Variants in ME3 observed in about 807,000 individuals in gnomAD.
The protein encoded by ME3 is NADP-dependent malic enzyme, mitochondrial.
ME3 carries 48 observed loss-of-function variants against 68.9 expected under a neutral mutation model. The observed-to-expected ratio is 0.70, with a 90% CI of 0.55 to 0.89. The LOEUF is 0.89. Ranked by LOEUF, ME3 falls within the 40% of genes least tolerant of loss-of-function variation. The pLI is 0.00. For missense variants in ME3, 675 were observed against 797.4 expected (o/e 0.85, Z 1.85); for synonymous variants, 320 against 318.8 (o/e 1.00, Z -0.04).
chr11:86,554,240 G>A (rs1218874141), intron 4 of ME3, among the ~76,000 whole-genome samples: 1 of 152,144 alleles, frequency 6.6e-6, no homozygotes, highest in Non-Finnish European at 1.5e-5. Flanking sequence ...TATGGAGTGA[G>A]GGCTTCCACA....
intron 13 of ME3, among the ~76,000 whole-genome samples, chr11:86,443,479 C>A (rs1376201683): frequency 4.6e-5 from 7 of 152,266 alleles, no homozygotes; most frequent in African/African-American, 9.6e-5. Flanking sequence ...CCTCCCGTAG[C>A]TTCCCTTCCA....
At chr11:86,641,473 G>A (rs1380760864) in intron 2 of ME3, among the ~76,000 whole-genome samples, 1 of 152,154 alleles carries the variant, frequency 6.6e-6, no homozygotes, top group African/African-American at 2.4e-5. Context: ...ATGCAAATGT[G>A]TTTACAGCCT....
At chr11:86,518,917 C>A (rs777287291) in intron 4 of ME3, among the ~76,000 whole-genome samples, 1 of 152,132 alleles carries the variant, frequency 6.6e-6, no homozygotes, top group Non-Finnish European at 1.5e-5. Flanking sequence ...CAAGGAATGC[C>A]AAGGATTGCC....
At chr11:86,459,146 G>C (rs1000521379) in intron 8 of ME3, among the ~76,000 whole-genome samples, 1 of 152,218 alleles carries the variant, frequency 6.6e-6, no homozygotes, top group Non-Finnish European at 1.5e-5. Flanking sequence ...TGAAGAACAG[G>C]AAGAGAATTC....
chr11:86,581,754 TACCCAGTA>T (rs1207388322), intron 2 of ME3, among the ~76,000 whole-genome samples: 4 of 152,146 alleles, frequency 2.6e-5, no homozygotes, highest in Non-Finnish European at 4.4e-5. Context: ...TACCACCAGC[TACCCAGTA>T]ACCCAGTAAA....
intron 2 of ME3, among the ~76,000 whole-genome samples, chr11:86,653,550 G>T (rs1945628333): frequency 6.6e-6 from 1 of 152,118 alleles, no homozygotes; most frequent in Non-Finnish European, 1.5e-5. Flanking sequence ...AAACCAATGA[G>T]AACAAAGACA....
At chr11:86,465,151 C>T in exon 8 of ME3, 1 of 1,613,972 alleles carries the variant, frequency 6.2e-7, no homozygotes, top group East Asian at 2.2e-5. Flanking sequence ...AGGCGGAAGG[C>T]ATTGGCATTG....
chr11:86,671,086 A>C (rs1219857926), intron 2 of ME3, among the ~76,000 whole-genome samples: 4 of 152,238 alleles, frequency 2.6e-5, no homozygotes, highest in Non-Finnish European at 5.9e-5. Context: ...AACTCGACCA[A>C]AGCATTGGAG....
chr11:86,655,828 A>C (rs1945828233), intron 2 of ME3, among the ~76,000 whole-genome samples: 1 of 152,044 alleles, frequency 6.6e-6, no homozygotes, highest in African/African-American at 2.4e-5. Context: ...AAAATGGGAG[A>C]AAATTTTCGC....
At chr11:86,613,077 A>G (rs1266230678) in intron 2 of ME3, among the ~76,000 whole-genome samples, 2 of 152,078 alleles carry the variant, frequency 1.3e-5, no homozygotes, top group Non-Finnish European at 2.9e-5. Flanking sequence ...ATCTTGAGTT[A>G]ATTTTTGTAA....
In ME3 at chr11:86,613,199, C is replaced by T. The variant is rs542317550; in HGVS notation, c.184-53376G>A. Among the ~76,000 whole-genome samples the T allele has an allele frequency of 5.3e-5, 8 of 152,148 alleles. No individual in the cohort carries two copies. In the South Asian group the frequency reaches 1.5e-3, roughly 28 times the overall value. On this transcript the variant is annotated intron_variant, in intron 2 of 14. Transcript: ENST00000543262. ...CCATTGCTTATTTTTTCAGGTTTGT[C>T]GAAGATCAGATGGTTGTAGATGTGT...
At chr11:86,656,635 T>C (rs1344084585) in intron 2 of ME3, among the ~76,000 whole-genome samples, 1 of 150,138 alleles carries the variant, frequency 6.7e-6, no homozygotes, top group African/African-American at 2.4e-5. Context: ...CATTAGGAGA[T>C]ATACCTAATG....
intron 2 of ME3, among the ~76,000 whole-genome samples, chr11:86,607,820 A>C (rs762811467): frequency 1.3e-5 from 2 of 151,950 alleles, no homozygotes; most frequent in Non-Finnish European, 2.9e-5. Context: ...CATGCAGAAT[A>C]CGCCTACTCC....
At chr11:86,537,905 G>C (rs991926494) in intron 4 of ME3, among the ~76,000 whole-genome samples, 7 of 152,216 alleles carry the variant, frequency 4.6e-5, no homozygotes, top group Non-Finnish European at 7.3e-5. Flanking sequence ...GCTCCATGAA[G>C]TGTTTGGTGT....
At chr11:86,648,676 A>C (rs1945198300) in intron 2 of ME3, among the ~76,000 whole-genome samples, 2 of 152,222 alleles carry the variant, frequency 1.3e-5, no homozygotes, top group African/African-American at 2.4e-5. Flanking sequence ...AAAGAAATAC[A>C]AACTACCATC....
chr11:86,528,375 A>G (rs1954931181), intron 4 of ME3, among the ~76,000 whole-genome samples: 1 of 152,220 alleles, frequency 6.6e-6, no homozygotes, highest in Non-Finnish European at 1.5e-5. Context: ...AGAGACCTAC[A>G]AAGAGACTTA....
At chr11:86,483,480 A>G (rs1285193030) in intron 7 of ME3, among the ~76,000 whole-genome samples, 3 of 152,110 alleles carry the variant, frequency 2.0e-5, no homozygotes, top group African/African-American at 7.2e-5. Flanking sequence ...GTGATTTCCA[A>G]TATGGTGTGT....
chr11:86,528,801 A>G (rs937217971), intron 4 of ME3, among the ~76,000 whole-genome samples: 6 of 152,196 alleles, frequency 3.9e-5, no homozygotes, highest in African/African-American at 1.2e-4. Context: ...ATGTTCTTTG[A>G]AACCAACGAG....
rs146971496 is a variant in ME3, at chr11:86,658,775, C to T, written c.183+12987G>A. On this transcript the variant is annotated intron_variant, in intron 2 of 14. Transcript: ENST00000543262. ...ATCTCCCACAAGCATGGCTAGGCTC[C>T]TCAGACATGAGGAGAAGCTGCTGCC... Among the ~76,000 whole-genome samples the T allele has an allele frequency of 5.4e-3, 828 of 152,238 alleles. 5 individuals are homozygous for T. Among genetic ancestry groups the T allele is most frequent in the Non-Finnish European group, 8.3e-3 (566 of 68,018 alleles).
Sources: gnomAD v4.1 joint callset for allele counts (sites outside exome capture counted in the v4.1 genomes callset) on GRCh38, gnomAD v4.1.1 for gene constraint, MANE v1.5 for transcripts, NCBI Gene and HGNC (gene_info 2026-07-23, HGNC 2026-07-21) for gene names.